The following IFTAP variants were observed in gnomAD, a reference collection of about 807,000 sequenced individuals.
IFTAP encodes intraflagellar transport associated protein.
In IFTAP, 19 loss-of-function variants were observed where a neutral mutation model predicts 19.4. The ratio of observed to expected loss-of-function variants is 0.98; its 90% CI spans 0.68 to 1.44. The LOEUF is 1.44. IFTAP is among the 40% of genes most tolerant of loss of function. The probability of loss-of-function intolerance (pLI) is 0.00; values close to 1 mark genes in which losing one functional copy is unlikely to be tolerated. For missense variants in IFTAP, 240 were observed against 253.6 expected (o/e 0.95, Z 0.36); for synonymous variants, 85 against 83.5 (o/e 1.02, Z -0.10).
At chr11:36,658,913 G>T in intron 5 of IFTAP, 106 bp from the exon 6 acceptor site, 1 of 809,404 alleles carries the variant, frequency 1.2e-6, no homozygotes, top group Non-Finnish European at 1.8e-6. Flanking sequence ...GAGTGCTGAA[G>T]TCTGAAAAAA....
intron 1 of IFTAP, among the ~76,000 whole-genome samples, chr11:36,601,934 G>T (rs1469169416): frequency 6.6e-6 from 1 of 152,158 alleles, no homozygotes; most frequent in Non-Finnish European, 1.5e-5. Flanking sequence ...TTACAGGCAC[G>T]AACTGTGCAC....
chr11:36,637,873 T>C (rs992187677), intron 4 of IFTAP, among the ~76,000 whole-genome samples: 1 of 149,618 alleles, frequency 6.7e-6, no homozygotes, highest in Non-Finnish European at 1.5e-5. Flanking sequence ...ATCTGATTTT[T>C]GTTATGTCAA....
rs189485779 is a variant in IFTAP at position 36,610,850 on chromosome 11, T to C, written c.136+611T>C. Among the ~76,000 whole-genome samples, 13 of 152,312 alleles carry C rather than the reference T, an allele frequency of 8.5e-5. No individual in the cohort carries two copies. In the East Asian group the frequency reaches 2.1e-3, roughly 25 times the overall value. On this transcript the variant is annotated intron_variant, in intron 2 of 5. Transcript: ENST00000334307. ...CTGCTGCTGCTGCTGTTGTGGTTTC[T>C]GTAGAATGGAAACAACCCTTTAGAC...
chr11:36,633,441 A>G lies in IFTAP; in HGVS notation c.291+3A>G. ...CATCACAATGTTTGGAAGAACAGGTAATACCAACATAGTACATGTATAGAA... is the reference window on the plus strand; with the variant it reads ...CATCACAATGTTTGGAAGAACAGGTGATACCAACATAGTACATGTATAGAA... On this transcript the variant is annotated splice_donor_region_variant and intron_variant, in intron 3 of 5. Transcript: ENST00000334307. The G allele has an allele frequency of 1.3e-6, 2 of 1,581,896 alleles. No homozygotes were observed. Among genetic ancestry groups the G allele is most frequent in the Non-Finnish European group, 8.6e-7 (1 of 1,165,748 alleles).
At chr11:36,599,419 A>C (rs951498801) in intron 1 of IFTAP, among the ~76,000 whole-genome samples, 3 of 152,214 alleles carry the variant, frequency 2.0e-5, no homozygotes, top group Non-Finnish European at 2.9e-5. Context: ...GAGCTAGGCA[A>C]ATCTGGGTTT....
rs1853558686 is a variant in IFTAP at position 36,648,031 on chromosome 11, C to G, written c.374C>G (p.Pro125Arg). ...PQMSEDLLLL[P>R]GEVEQDVSTS... is the part of the protein sequence containing the mutation. Reference sequence around the variant, plus strand: ...TATCCAACAGATTTGCTGCTGCTTCCAGGAGAAGTGGAGCAGGATGTAAGC... The same window carrying G: ...TATCCAACAGATTTGCTGCTGCTTCGAGGAGAAGTGGAGCAGGATGTAAGC... The change falls in exon 5 of 6, where the codon CCA (proline) becomes CGA (arginine). Residue 125 changes from proline to arginine, a missense_variant. Transcript: ENST00000334307. 6.2e-7 allele frequency: 1 copy of G among 1,612,748 alleles called. No homozygotes were observed. Among genetic ancestry groups the G allele is most frequent in the African/African-American group, 1.3e-5 (1 of 74,822 alleles).
intron 4 of IFTAP, among the ~76,000 whole-genome samples, chr11:36,646,043 T>C (rs1853467779): frequency 6.6e-6 from 1 of 152,192 alleles, no homozygotes; most frequent in Non-Finnish European, 1.5e-5. Flanking sequence ...TGGAGAATAC[T>C]GAGTCTTGTT....
chr11:36,652,169 T>C lies in IFTAP; in HGVS notation c.498+4014T>C, dbSNP rs189650964. ...GTATGACCATTTTCATGATATTGAT[T>C]CTTCCTATCCATGAACATGGAATGG... On this transcript the variant is annotated intron_variant, in intron 5 of 5. Transcript: ENST00000334307. Among the ~76,000 whole-genome samples, 20 of 152,340 alleles carry C rather than the reference T, an allele frequency of 1.3e-4. No individual in the cohort carries two copies. In the East Asian group the frequency reaches 3.9e-3, roughly 29 times the overall value.
chr11:36,616,424 C>G (rs1023368041), intron 2 of IFTAP, among the ~76,000 whole-genome samples: 3 of 151,752 alleles, frequency 2.0e-5, no homozygotes, highest in African/African-American at 7.3e-5. Context: ...CTCAACCTCC[C>G]TTTTTCTCTT....
intron 2 of IFTAP, among the ~76,000 whole-genome samples, chr11:36,623,330 C>G (rs751596878): frequency 8.6e-5 from 13 of 151,282 alleles, no homozygotes; most frequent in Non-Finnish European, 1.3e-4. Flanking sequence ...TGAATAAGGT[C>G]TGTAGCTTTC....
intron 5 of IFTAP, among the ~76,000 whole-genome samples, chr11:36,658,771 C>T (rs1462651284): frequency 6.6e-6 from 1 of 151,988 alleles, no homozygotes; most frequent in Admixed American, 6.6e-5. Context: ...TGATTCTTGC[C>T]TTGGGCAGCA....
intron 5 of IFTAP, among the ~76,000 whole-genome samples, chr11:36,651,262 A>T (rs1393545014): frequency 1.3e-5 from 2 of 152,100 alleles, no homozygotes; most frequent in Non-Finnish European, 1.5e-5. Flanking sequence ...CTGGTGTGAG[A>T]TGGTATCTCA....
chr11:36,606,720 G>T (rs1453839316), intron 1 of IFTAP, among the ~76,000 whole-genome samples: 1 of 152,180 alleles, frequency 6.6e-6, no homozygotes, highest in East Asian at 1.9e-4. Context: ...CATCTGTTTG[G>T]TATTTGTTTG....
chr11:36,604,325 G>A (rs1205366099), intron 1 of IFTAP, among the ~76,000 whole-genome samples: 2 of 152,120 alleles, frequency 1.3e-5, no homozygotes, highest in Admixed American at 6.6e-5. Flanking sequence ...TAATGAAGAG[G>A]TCTATGCCTT....
chr11:36,597,497 C>T (rs1281821567), intron 1 of IFTAP: 2 of 152,124 alleles, frequency 1.3e-5, no homozygotes, highest in East Asian at 3.8e-4. Context: ...TACAATTTTC[C>T]CAACCCCATG....
intron 1 of IFTAP, among the ~76,000 whole-genome samples, chr11:36,602,956 TA>T (rs1369036027): frequency 7.2e-5 from 11 of 152,176 alleles, no homozygotes; most frequent in Non-Finnish European, 1.3e-4. Flanking sequence ...AATCTGTTTT[TA>T]AAAAATGATA....
At chr11:36,630,562 A>C (rs140741289) in intron 2 of IFTAP, among the ~76,000 whole-genome samples, 1 of 151,534 alleles carries the variant, frequency 6.6e-6, no homozygotes, top group Non-Finnish European at 1.5e-5. Context: ...TCTTTATTTC[A>C]AAGGAGTTTC....
At chr11:36,609,154 A>G (rs1851790717) in intron 1 of IFTAP, among the ~76,000 whole-genome samples, 1 of 152,218 alleles carries the variant, frequency 6.6e-6, no homozygotes, top group African/African-American at 2.4e-5. Flanking sequence ...AGCAGCACAG[A>G]TAAATTAAGA....
chr11:36,605,595 G>T (rs940098966), intron 1 of IFTAP, among the ~76,000 whole-genome samples: 1 of 152,138 alleles, frequency 6.6e-6, no homozygotes, highest in African/African-American at 2.4e-5. Context: ...CTTAAGGGAG[G>T]TTATATGATT....
Sources: gnomAD v4.1 joint callset for allele counts (sites outside exome capture counted in the v4.1 genomes callset) on GRCh38, gnomAD v4.1.1 for gene constraint, MANE v1.5 for transcripts, NCBI Gene and HGNC (gene_info 2026-07-23, HGNC 2026-07-21) for gene names.